Variants in SALL1 observed in about 807,000 individuals in gnomAD.
SALL1 encodes spalt like transcription factor 1.
SALL1 carries 10 observed loss-of-function variants against 73.1 expected under a neutral mutation model. That is an observed-to-expected ratio of 0.14 (90% CI 0.08 to 0.23). SALL1 has a LOEUF of 0.23. Ranked by LOEUF, SALL1 falls within the 10% of genes least tolerant of loss-of-function variation. SALL1 has a pLI of 1.00. For missense variants in SALL1, 1,520 were observed against 1,697.3 expected, an observed-to-expected ratio of 0.90 and a Z score of 1.84; for synonymous variants, 688 against 689.8, an observed-to-expected ratio of 1.00 and a Z score of 0.04.
Position 51,137,350 on chromosome 16 carries a change from G to A in SALL1, c.3737C>T (p.Ala1246Val), listed in dbSNP as rs768727477. 5.1e-5 allele frequency: 82 copies of A among 1,613,926 alleles called. No homozygotes were observed. Among genetic ancestry groups the A allele is most frequent in the African/African-American group, 1.5e-4 (11 of 74,864 alleles). Residue 1246 changes from alanine to valine, a missense_variant, in exon 3 of 3, where the codon GCG (alanine) becomes GTG (valine). This residue lies in a region of SALL1 where 318 missense variants were observed against 357.1 expected (regional missense o/e 0.89). Coordinates refer to ENST00000251020, the MANE Select transcript of SALL1 (RefSeq NM_002968.3). ...GACGGAGATCTCGTTGGCCTTCATC[G>A]CCAGCCCGTTGGAGAGCGCTGCTGC... ...QYAAALSNGL[A>V]MKANEISVIQ... is the part of the protein sequence containing the mutation.
At chr16:51,147,780 AACACACACACAC>A (rs145285801) in intron 1 of SALL1, among the ~76,000 whole-genome samples, 37 of 146,312 alleles carry the variant, frequency 2.5e-4, no homozygotes, top group African/African-American at 9.0e-4. Flanking sequence ...GAAGAACTCC[AACACACACACAC>A]ACACACACAC....
At chr16:51,146,529 G>A (rs1213912905) in intron 1 of SALL1, among the ~76,000 whole-genome samples, 1 of 152,218 alleles carries the variant, frequency 6.6e-6, no homozygotes, top group Non-Finnish European at 1.5e-5. Context: ...GGGTAAAACT[G>A]AGCTATGGGA....
In SALL1 at chr16:51,150,404, G is replaced by A. The variant is rs116243992; in HGVS notation, c.76+762C>T. The A allele has an allele frequency of 1.3e-3, 1,263 of 985,492 alleles. 15 individuals are homozygous for A. In the African/African-American group the frequency reaches 0.02, roughly 16 times the overall value. 61.0% of individuals were successfully genotyped at this position (985,492 alleles called of 1,614,324 possible). On this transcript the variant is annotated intron_variant, in intron 1 of 2. Coordinates refer to ENST00000251020, the MANE Select transcript of SALL1 (RefSeq NM_002968.3). ...ACCAGAAAGATTTTGGGGGGCAGAG[G>A]GTGCAAGTGTTGTGGGAAGAGATGC...
chr16:51,151,338 C>CCCCGCCCGCCGG (rs1165095943), upstream of SALL1: 3 of 827,000 alleles, frequency 3.6e-6, no homozygotes, highest in African/African-American at 5.5e-5. Flanking sequence ...CGGCGGCTCC[C>CCCCGCCCGCCGG]CCCGCCCGCC....
At chr16:51,151,816 G>C (rs1297304007), upstream of SALL1, among the ~76,000 whole-genome samples, 6 of 151,306 alleles carry the variant, frequency 4.0e-5, no homozygotes, top group South Asian at 2.1e-4. Flanking sequence ...CGCCCCGGGT[G>C]GGGGGTGGGG....
rs1317365427 is a variant in SALL1, at chr16:51,151,175, G to C, written c.67C>G (p.Arg23Gly). The C allele has an allele frequency of 3.1e-6, 5 of 1,596,434 alleles. No individual in the cohort carries two copies. The highest frequency in any genetic ancestry group is 4.3e-6 in the Non-Finnish European group (5 of 1,173,480). The part of the protein sequence containing the change: ...QSDPEVASLP[R>G]RDGDTEKGQP... ...GGGCCGGAGCACTCACCATCTCGCC[G>C]GGGGAGCGAGGCCACTTCGGGGTCG... Residue 23 changes from arginine (R) to glycine (G), a missense_variant, in exon 1 of 3, where the codon CGG becomes GGG. By Grantham distance (125) the Arg-to-Gly change is moderately radical. Around this residue, in one of 7 missense-constraint regions of SALL1, gnomAD observed 540 missense variants for 567.5 expected, o/e 0.95. Coordinates refer to ENST00000251020, the MANE Select transcript of SALL1 (RefSeq NM_002968.3).
At chr16:51,149,649 C>T (rs1432463213) in intron 1 of SALL1, 1 of 152,142 alleles carries the variant, frequency 6.6e-6, no homozygotes, top group Non-Finnish European at 1.5e-5. Flanking sequence ...TAAAGCATTT[C>T]TTAATTAATT....
chr16:51,137,432 T>C lies in SALL1; in HGVS notation c.3655A>G (p.Lys1219Glu). ...CTTCCTGATCTTGCCGCCAAATCCT[T>C]CTGGAACATTTCTGGGAACTTGACG... Reference protein sequence around the residue: ...NPVKFPEMFQKDLAARSGSGD... With the variant: ...NPVKFPEMFQEDLAARSGSGD... The change falls in exon 3 of 3, where the codon AAG becomes GAG. Residue 1219 changes from lysine (K) to glutamate (E), a missense_variant. Transcript: ENST00000251020. 1 of 1,614,054 alleles carries C rather than the reference T, an allele frequency of 6.2e-7. No homozygotes were observed. The highest frequency in any genetic ancestry group is 8.5e-7 in the Non-Finnish European group (1 of 1,180,000).
rs1333399834 is a variant in SALL1, at chr16:51,151,264, G to A, written c.-23C>T. The A allele has an allele frequency of 2.0e-6, 3 of 1,528,502 alleles. No individual in the cohort carries two copies. The highest frequency in any genetic ancestry group is 1.4e-5 in the African/African-American group (1 of 72,114). The allele number at this position is 1,528,502 out of a possible 1,614,324, so 94.7% of individuals were successfully genotyped here. A position where few individuals can be genotyped will look rare whatever the true frequency, so the allele number is the denominator to read the frequency against. ...CATGCTGGCTCAAACATCAGCTGGGGCAGAATAAAAAATTACTAAAAAAAA... is the reference window on the plus strand; with the variant it reads ...CATGCTGGCTCAAACATCAGCTGGGACAGAATAAAAAATTACTAAAAAAAA... On this transcript the variant is annotated 5_prime_UTR_variant, in exon 1 of 3. Coordinates refer to ENST00000251020, the MANE Select transcript of SALL1 (RefSeq NM_002968.3).
At chr16:51,151,700 C>G (rs1962613037), upstream of SALL1, among the ~76,000 whole-genome samples, 2 of 151,402 alleles carry the variant, frequency 1.3e-5, no homozygotes, top group South Asian at 4.2e-4. Context: ...CCGGCAGGCG[C>G]CCCCCGCTCT....
chr16:51,150,499 C>T (rs570991441), intron 1 of SALL1: 117 of 985,674 alleles, frequency 1.2e-4, no homozygotes, highest in Non-Finnish European at 1.3e-4. Context: ...GAACAACTGG[C>T]GGCCAGCAGC....
At chr16:51,151,338 CCCCGCCCGCCGG>C (rs1165095943), upstream of SALL1, 43 of 827,108 alleles carry the variant, frequency 5.2e-5, 6 homozygotes, top group East Asian at 7.0e-4. Context: ...CGGCGGCTCC[CCCCGCCCGCCGG>C]CCCGCCCGCC....
intron 1 of SALL1, chr16:51,150,646 G>A (rs917622859): frequency 1.1e-6 from 1 of 898,918 alleles, no homozygotes; most frequent in Non-Finnish European, 1.3e-6. Context: ...GTGGGGGCAG[G>A]GGGGCGCAGC....
intron 1 of SALL1, chr16:51,143,319 T>G (rs1750123042): frequency 4.8e-6 from 2 of 417,520 alleles, no homozygotes; most frequent in Non-Finnish European, 9.7e-6. Context: ...GCTAACATCC[T>G]ATTCAAAGAC....
At chr16:51,145,232 A>C (rs1004818328) in intron 1 of SALL1, among the ~76,000 whole-genome samples, 2 of 151,626 alleles carry the variant, frequency 1.3e-5, no homozygotes, top group African/African-American at 4.8e-5. Context: ...ACACACACAC[A>C]CACACACACA....
intron 1 of SALL1, chr16:51,150,282 T>TG (rs1456826882): frequency 2.0e-6 from 1 of 501,936 alleles, no homozygotes; most frequent in African/African-American, 2.1e-5. Context: ...GATTCCACTC[T>TG]GGCTGGCCAC....
At chr16:51,147,465 G>C (rs1036738918) in intron 1 of SALL1, among the ~76,000 whole-genome samples, 1 of 151,880 alleles carries the variant, frequency 6.6e-6, no homozygotes, top group South Asian at 2.1e-4. Flanking sequence ...TTTAAAAAAA[G>C]CAATTAATTA....
At chr16:51,145,611 A>T (rs1405779336) in intron 1 of SALL1, among the ~76,000 whole-genome samples, 1 of 152,142 alleles carries the variant, frequency 6.6e-6, no homozygotes, top group Non-Finnish European at 1.5e-5. Context: ...CTATTTAGGT[A>T]CCTGATGCCT....
upstream of SALL1, among the ~76,000 whole-genome samples, chr16:51,151,842 T>G (rs1482604363): frequency 6.7e-6 from 1 of 148,260 alleles, no homozygotes; most frequent in Non-Finnish European, 1.5e-5. Flanking sequence ...CGGCGAGGGC[T>G]GGGGACCCGG....
Sources: gnomAD v4.1 joint callset for allele counts (sites outside exome capture counted in the v4.1 genomes callset) on GRCh38, gnomAD v4.1.1 for gene constraint, gnomAD v4.1.1 regional missense constraint, MANE v1.5 for transcripts, NCBI Gene and HGNC (gene_info 2026-07-23, HGNC 2026-07-21) for gene names.